Variants in NEGR1 observed in about 807,000 individuals in gnomAD.
NEGR1 encodes IgLON family member 4.
Under a neutral mutation model 40.9 loss-of-function variants are expected in NEGR1, and 10 were observed. That is an observed-to-expected ratio of 0.24 (90% CI 0.15 to 0.42). The LOEUF is 0.42. NEGR1 is among the 10% of genes least tolerant of loss of function. The pLI is 1.00. For missense variants in NEGR1, 352 were observed against 438.9 expected, an observed-to-expected ratio of 0.80 and a Z score of 1.77; for synonymous variants, 185 against 166.8, an observed-to-expected ratio of 1.11 and a Z score of -0.84.
intron 1 of NEGR1, among the ~76,000 whole-genome samples, chr1:71,977,641 A>G (rs1169778124): frequency 1.3e-5 from 2 of 152,060 alleles, no homozygotes; most frequent in Non-Finnish European, 2.9e-5. Context: ...AAAAATATAT[A>G]TGCAATTTGG....
At chr1:71,835,546 A>G (rs2101796197) in intron 2 of NEGR1, among the ~76,000 whole-genome samples, 1 of 152,172 alleles carries the variant, frequency 6.6e-6, no homozygotes, top group East Asian at 1.9e-4. Context: ...TCATGGTTCT[A>G]ACAAAAGAGG....
At chr1:71,654,349 G>A (rs1024564120) in intron 4 of NEGR1, among the ~76,000 whole-genome samples, 1 of 152,054 alleles carries the variant, frequency 6.6e-6, no homozygotes, top group African/African-American at 2.4e-5. Context: ...TAATATTAAT[G>A]TGCCAATATT....
At chr1:72,163,282 A>T (rs969834643) in intron 1 of NEGR1, among the ~76,000 whole-genome samples, 2 of 152,138 alleles carry the variant, frequency 1.3e-5, no homozygotes, top group East Asian at 3.9e-4. Context: ...TAAAATACAA[A>T]TCCAAACCTA....
chr1:71,551,530 A>G (rs1435551346), intron 6 of NEGR1, among the ~76,000 whole-genome samples: 1 of 151,678 alleles, frequency 6.6e-6, no homozygotes, highest in East Asian at 1.9e-4. Flanking sequence ...GCACTTATTT[A>G]TATTTAAGAT....
At chr1:71,942,473 A>ATG (rs1645970913) in intron 1 of NEGR1, among the ~76,000 whole-genome samples, 1 of 13,112 alleles carries the variant, frequency 7.6e-5, no homozygotes, top group Non-Finnish European at 1.7e-4. Context: ...ATATATATAT[A>ATG]TATATATATA....
chr1:72,262,712 A>AT, intron 1 of NEGR1, among the ~76,000 whole-genome samples: 1 of 152,088 alleles, frequency 6.6e-6, no homozygotes, highest in Non-Finnish European at 1.5e-5. Flanking sequence ...AAAGGTACAT[A>AT]TATGCTTAAT....
At chr1:72,127,839 T>C (rs1386398649) in intron 1 of NEGR1, among the ~76,000 whole-genome samples, 1 of 152,170 alleles carries the variant, frequency 6.6e-6, no homozygotes, top group Non-Finnish European at 1.5e-5. Context: ...CATAATCTTT[T>C]GTCATCTTTT....
chr1:71,942,183 C>T lies in NEGR1; in HGVS notation c.177-6872G>A, dbSNP rs145764537. Among the ~76,000 whole-genome samples, 14 of 150,376 alleles carry T rather than the reference C, an allele frequency of 9.3e-5. No individual in the cohort carries two copies. The East Asian group carries it at 2.7e-3, about 29-fold the overall frequency. On this transcript the variant is annotated intron_variant, in intron 1 of 6. Coordinates refer to ENST00000357731, the MANE Select transcript of NEGR1 (RefSeq NM_173808.3). ...CACTCTAGCAATTTGGGATAATATG[C>T]TTATTTTTAAAATATTTTGGATACA...
intron 1 of NEGR1, among the ~76,000 whole-genome samples, chr1:72,064,739 G>T (rs1647233881): frequency 6.6e-6 from 1 of 152,006 alleles, no homozygotes; most frequent in Admixed American, 6.6e-5. Flanking sequence ...TACCAACCTT[G>T]ATACCTGACA....
At chr1:71,913,528 T>C (rs1661482927) in intron 2 of NEGR1, among the ~76,000 whole-genome samples, 1 of 152,350 alleles carries the variant, frequency 6.6e-6, no homozygotes, top group East Asian at 1.9e-4. Context: ...GACATTCCCA[T>C]GTTCTCGTTT....
At chr1:72,160,426 T>C (rs545970435) in intron 1 of NEGR1, among the ~76,000 whole-genome samples, 1 of 152,276 alleles carries the variant, frequency 6.6e-6, no homozygotes, top group Non-Finnish European at 1.5e-5. Flanking sequence ...ACTATTAGAA[T>C]TACAACTTTA....
At chr1:71,895,556 G>T (rs1321605508) in intron 2 of NEGR1, among the ~76,000 whole-genome samples, 1 of 133,642 alleles carries the variant, frequency 7.5e-6, no homozygotes, top group African/African-American at 3.0e-5. Flanking sequence ...AACATTTGTG[G>T]TCTTGGTGCC....
intron 3 of NEGR1, among the ~76,000 whole-genome samples, chr1:71,700,265 T>C (rs920084968): frequency 1.3e-5 from 2 of 151,952 alleles, no homozygotes; most frequent in Admixed American, 1.3e-4. Flanking sequence ...ATTATGATAG[T>C]TAAAGAGATT....
At chr1:72,084,193 C>T (rs148473199) in intron 1 of NEGR1, among the ~76,000 whole-genome samples, 211 of 152,176 alleles carry the variant, frequency 1.4e-3, no homozygotes, top group African/African-American at 4.9e-3. Flanking sequence ...AAAGGTCTAC[C>T]CATCCCCATT....
intron 1 of NEGR1, among the ~76,000 whole-genome samples, chr1:72,095,759 C>G (rs929032627): frequency 1.2e-4 from 19 of 152,114 alleles, no homozygotes; most frequent in Admixed American, 4.6e-4. Flanking sequence ...AATCCACTAA[C>G]TTCAAAACTA....
intron 1 of NEGR1, among the ~76,000 whole-genome samples, chr1:71,988,456 G>A (rs567864429): frequency 4.8e-4 from 71 of 147,352 alleles, no homozygotes; most frequent in African/African-American, 1.7e-3. Context: ...GGAGAATGGC[G>A]TGAACCCGGG....
intron 1 of NEGR1, among the ~76,000 whole-genome samples, chr1:72,126,417 T>C (rs956357193): frequency 1.3e-5 from 2 of 152,188 alleles, no homozygotes; most frequent in Non-Finnish European, 2.9e-5. Context: ...AAGTATTTAC[T>C]ACTAAAACAA....
intron 1 of NEGR1, among the ~76,000 whole-genome samples, chr1:72,263,075 T>C (rs1193165670): frequency 6.6e-6 from 1 of 151,772 alleles, no homozygotes; most frequent in Non-Finnish European, 1.5e-5. Flanking sequence ...TTGTGAAGCA[T>C]TCTGAGTGTA....
rs1286269991 is a variant in NEGR1 at position 71,406,507 on chromosome 1, G to C, written c.*939C>G. 1.3e-5 allele frequency: 2 copies of C among 151,978 alleles called. No individual in the cohort carries two copies. The highest frequency in any genetic ancestry group is 4.8e-5 in the African/African-American group (2 of 41,416). 9.4% of individuals were successfully genotyped at this position (151,978 alleles called of 1,614,324 possible). On this transcript the variant is annotated 3_prime_UTR_variant, in exon 7 of 7. Coordinates refer to ENST00000357731, the MANE Select transcript of NEGR1 (RefSeq NM_173808.3). ...ATGCTGTATTGCTAGGCAATCCTTT[G>C]AGTGGACTGTGCTGTCATTTTAAAG...
Sources: gnomAD v4.1 joint callset for allele counts (sites outside exome capture counted in the v4.1 genomes callset) on GRCh38, gnomAD v4.1.1 for gene constraint, MANE v1.5 for transcripts, NCBI Gene and HGNC (gene_info 2026-07-23, HGNC 2026-07-21) for gene names.